The following TNRC6B variants were observed in gnomAD, a reference collection of about 807,000 sequenced individuals.
TNRC6B encodes trinucleotide repeat containing adaptor 6B, also known as trinucleotide repeat-containing gene 6B protein.
A neutral mutation model predicts 203.6 loss-of-function variants in TNRC6B; 52 were observed. The observed-to-expected ratio is 0.26, with a 90% confidence interval of 0.20 to 0.32. The LOEUF is 0.32. Among genes scored for constraint, TNRC6B ranks in the 10% least tolerant of loss-of-function variants. The pLI is 1.00. For missense variants in TNRC6B, 1,923 were observed against 2,286.2 expected (o/e 0.84, Z 3.24); for synonymous variants, 838 against 845.7 (o/e 0.99, Z 0.16).
chr22:40,259,243 G>A (rs79536109), intron 3 of TNRC6B, among the ~76,000 whole-genome samples: 7 of 143,202 alleles, frequency 4.9e-5, no homozygotes, highest in African/African-American at 1.6e-4. Context: ...TTTTTTTTTT[G>A]AGACAGAGTC....
At chr22:40,077,912 C>G (rs1038688300) in intron 1 of TNRC6B, among the ~76,000 whole-genome samples, 1 of 152,184 alleles carries the variant, frequency 6.6e-6, no homozygotes, top group Non-Finnish European at 1.5e-5. Context: ...AATGGCTGCA[C>G]TGTTTTTCAC....
Position 40,275,666 on chromosome 22 carries a change from A to C in TNRC6B, c.3142-1411A>C, listed in dbSNP as rs192089468. 3.0e-3 allele frequency among the ~76,000 whole-genome samples: 453 copies of C among 152,186 alleles called. 1 individual carries two copies. The highest frequency in any genetic ancestry group is 4.8e-3 in the Non-Finnish European group (327 of 68,008). On this transcript the variant is annotated intron_variant, in intron 7 of 22. Coordinates refer to ENST00000454349, the MANE Select transcript of TNRC6B (RefSeq NM_001162501.2). Reference sequence around the variant, plus strand: ...TCTAGTGAGGGCTTTTTTGACCTTAAAACCTGTACTAGCTGGCTGCGGTGG... The same window carrying C: ...TCTAGTGAGGGCTTTTTTGACCTTACAACCTGTACTAGCTGGCTGCGGTGG...
chr22:40,088,584 T>TGTGTGTG (rs2068120522), intron 1 of TNRC6B, among the ~76,000 whole-genome samples: 11 of 125,136 alleles, frequency 8.8e-5, no homozygotes, highest in East Asian at 7.1e-4. Context: ...GCGGCTACTT[T>TGTGTGTG]TGTGTGTGTG....
In TNRC6B at chr22:40,328,139, G is replaced by T. The variant is rs371661432; in HGVS notation, c.*4898G>T. 5 of 152,204 alleles carry T rather than the reference G, an allele frequency of 3.3e-5. No individual in the cohort carries two copies. The highest frequency in any genetic ancestry group is 5.9e-5 in the Non-Finnish European group (4 of 68,036). The allele number at this position is 152,204 out of a possible 1,614,324, so 9.4% of individuals were successfully genotyped here. On this transcript the variant is annotated 3_prime_UTR_variant, in exon 23 of 23. Transcript: ENST00000454349. ...GATCCCTCAGTCCCCAACCCTGGAC[G>T]TGTTTCATTTACAACATTCATAGGA...
chr22:40,131,344 A>C (rs2068543538), intron 3 of TNRC6B, among the ~76,000 whole-genome samples: 1 of 151,692 alleles, frequency 6.6e-6, no homozygotes, highest in Non-Finnish European at 1.5e-5. Flanking sequence ...TCAGAGATGG[A>C]TTAGGATTAT....
intron 1 of TNRC6B, among the ~76,000 whole-genome samples, chr22:40,183,797 C>G (rs935399545): frequency 6.6e-6 from 1 of 151,892 alleles, no homozygotes; most frequent in African/African-American, 2.4e-5. Flanking sequence ...TGGGTTCAAG[C>G]GATGCTTTTG....
chr22:40,333,382 G>C lies in TNRC6B; in HGVS notation c.*10141G>C, dbSNP rs1027707334. The C allele has an allele frequency of 6.6e-6, 1 of 152,552 alleles. No individual in the cohort carries two copies. Among genetic ancestry groups the C allele is most frequent in the African/African-American group, 2.4e-5 (1 of 41,418 alleles). The allele number at this position is 152,552 out of a possible 1,614,324, so 9.4% of individuals were successfully genotyped here. On this transcript the variant is annotated 3_prime_UTR_variant, in exon 23 of 23. Transcript: ENST00000454349. ...AGACACACACACACACAAAAACCCT[G>C]TCTTAAATAGCTGCCATCTCTTCCA...
At chr22:40,247,835 C>T (rs9941957) in intron 2 of TNRC6B, among the ~76,000 whole-genome samples, 48,792 of 152,036 alleles carry the variant, frequency 0.32, 9,597 homozygotes, top group East Asian at 0.57. Flanking sequence ...TTTGGGAGGC[C>T]AAGGCAGGAG....
intron 1 of TNRC6B, among the ~76,000 whole-genome samples, chr22:40,048,148 T>C (rs943346281): frequency 6.6e-6 from 1 of 152,232 alleles, no homozygotes; most frequent in Admixed American, 6.5e-5. Context: ...GAGCAGTCTA[T>C]GCTGGCTGCT....
At chr22:40,069,233 T>C (rs1248610132) in intron 1 of TNRC6B, among the ~76,000 whole-genome samples, 1 of 151,810 alleles carries the variant, frequency 6.6e-6, no homozygotes, top group African/African-American at 2.4e-5. Flanking sequence ...TCCTGAGTAG[T>C]TGGGATCACA....
intron 7 of TNRC6B, chr22:40,276,763 A>G (rs866670622): frequency 4.9e-6 from 1 of 204,184 alleles, no homozygotes; most frequent in African/African-American, 2.3e-5. Flanking sequence ...AAGTGAAAGT[A>G]GTCGTGTGCA....
At chr22:40,105,449 C>G (rs910934238) in intron 1 of TNRC6B, among the ~76,000 whole-genome samples, 2 of 152,192 alleles carry the variant, frequency 1.3e-5, no homozygotes, top group Non-Finnish European at 2.9e-5. Flanking sequence ...CCTCTCCCAC[C>G]TACAGGTAAC....
At chr22:40,293,498 T>C (rs1457223864) in intron 12 of TNRC6B, among the ~76,000 whole-genome samples, 13 of 152,178 alleles carry the variant, frequency 8.5e-5, no homozygotes, top group Admixed American at 6.5e-4. Flanking sequence ...TGGCCTGCTA[T>C]AATATTCTCA....
intron 1 of TNRC6B, chr22:40,106,568 C>T (rs781461174): frequency 2.9e-5 from 21 of 727,978 alleles, no homozygotes; most frequent in Middle Eastern, 6.1e-4. Context: ...CAAAGCAATT[C>T]GCTTCTTACT....
intron 4 of TNRC6B, among the ~76,000 whole-genome samples, chr22:40,156,671 T>G (rs976925026): frequency 6.6e-6 from 1 of 152,084 alleles, no homozygotes; most frequent in African/African-American, 2.4e-5. Context: ...GGAACAGGAA[T>G]TATAAATAAT....
At chr22:40,089,985 G>C (rs2068136851) in intron 1 of TNRC6B, among the ~76,000 whole-genome samples, 1 of 151,940 alleles carries the variant, frequency 6.6e-6, no homozygotes, top group Non-Finnish European at 1.5e-5. Context: ...TGTATTTTAG[G>C]GTTTTTTCAC....
intron 3 of TNRC6B, among the ~76,000 whole-genome samples, chr22:40,259,544 C>A (rs1483090028): frequency 2.6e-5 from 4 of 152,082 alleles, no homozygotes; most frequent in Non-Finnish European, 5.9e-5. Flanking sequence ...TTTCTTAAGT[C>A]ACACATTTAT....
chr22:40,196,765 G>C lies in TNRC6B; in HGVS notation c.5+18625G>C, dbSNP rs566053847. On this transcript the variant is annotated intron_variant, in intron 1 of 22. Transcript: ENST00000454349. ...CTGTACTCTGCAGTAGCTTCTCTCT[G>C]AGGTTCTGTGTAACCAAATTTTAAA... 1.8e-4 allele frequency among the ~76,000 whole-genome samples: 27 copies of C among 152,134 alleles called. No homozygotes were observed. In the South Asian group the frequency reaches 5.6e-3, roughly 32 times the overall value.
chr22:40,166,220 C>CT (rs1472614797), intron 4 of TNRC6B, among the ~76,000 whole-genome samples: 3 of 152,032 alleles, frequency 2.0e-5, no homozygotes, highest in Non-Finnish European at 2.9e-5. Flanking sequence ...TGGGAATACT[C>CT]TTCAAGAAAA....
Sources: allele counts gnomAD v4.1 joint callset (sites outside exome capture counted in the v4.1 genomes callset), GRCh38; gene constraint gnomAD v4.1.1; transcripts MANE v1.5; gene names NCBI Gene and HGNC (gene_info 2026-07-23, HGNC 2026-07-21).